Variants in TASP1 observed in about 807,000 individuals in gnomAD.
TASP1 encodes threonine aspartase 1.
In TASP1, 16 loss-of-function variants were observed where a neutral mutation model predicts 56.6. That is an observed-to-expected ratio of 0.28 (90% CI 0.19 to 0.43). The LOEUF is 0.43. Among genes scored for constraint, TASP1 ranks in the 20% least tolerant of loss-of-function variants. The pLI is 1.00. For missense variants in TASP1, 393 were observed against 511.6 expected (o/e 0.77, Z 2.24); for synonymous variants, 179 against 184.2 (o/e 0.97, Z 0.23).
At chr20:13,478,581 G>C (rs1388582980) in intron 11 of TASP1, among the ~76,000 whole-genome samples, 2 of 152,102 alleles carry the variant, frequency 1.3e-5, no homozygotes, top group East Asian at 1.9e-4. Context: ...GGGTGGGAGA[G>C]TCAGGGAATG....
At chr20:13,436,222 A>AG (rs2042995810) in intron 11 of TASP1, among the ~76,000 whole-genome samples, 1 of 152,174 alleles carries the variant, frequency 6.6e-6, no homozygotes, top group Non-Finnish European at 1.5e-5. Context: ...CTCTGAAGGC[A>AG]GGGGTACAGG....
chr20:13,224,029 G>C, the TASP1 span, among the ~76,000 whole-genome samples: 3 of 152,060 alleles, frequency 2.0e-5, no homozygotes, highest in East Asian at 5.8e-4. Context: ...ATTCTCAAAA[G>C]GGGCTTTGGC....
At chr20:13,198,492 A>C in the TASP1 span, among the ~76,000 whole-genome samples, 1 of 152,180 alleles carries the variant, frequency 6.6e-6, no homozygotes, top group Non-Finnish European at 1.5e-5. Flanking sequence ...ATACTATCAC[A>C]TTGAGGGTTA....
the TASP1 span, among the ~76,000 whole-genome samples, chr20:13,234,254 G>C: frequency 1.3e-5 from 2 of 152,166 alleles, no homozygotes; most frequent in African/African-American, 4.8e-5. Flanking sequence ...TTAGCATAAT[G>C]GCCTCCGGTA....
intron 13 of TASP1, among the ~76,000 whole-genome samples, chr20:13,416,886 C>T (rs1390724960): frequency 2.6e-5 from 4 of 152,170 alleles, no homozygotes; most frequent in Admixed American, 2.6e-4. Flanking sequence ...ACTCACTGAG[C>T]GACGAGTGCC....
At chr20:13,273,215 T>TTTTATTTTATTTTATTTTATTTTA in the TASP1 span, among the ~76,000 whole-genome samples, 3 of 130,628 alleles carry the variant, frequency 2.3e-5, no homozygotes, top group African/African-American at 6.3e-5. Context: ...ACTTGGGTCT[T>TTTTATTTTATTTTATTTTATTTTA]TTTTATTTTA....
intron 11 of TASP1, among the ~76,000 whole-genome samples, chr20:13,442,412 G>C (rs1304270523): frequency 6.6e-6 from 1 of 152,064 alleles, no homozygotes; most frequent in South Asian, 2.1e-4. Context: ...AAGGTGGGTG[G>C]ATCACAATGT....
intron 12 of TASP1, among the ~76,000 whole-genome samples, chr20:13,425,856 T>C (rs1417688756): frequency 1.3e-5 from 2 of 152,144 alleles, no homozygotes; most frequent in Non-Finnish European, 1.5e-5. Flanking sequence ...TGTCTTGACA[T>C]GGAATCCTTA....
chr20:13,395,693 C>CTTTTTTTTT (rs71188158), intron 13 of TASP1, among the ~76,000 whole-genome samples: 3 of 136,418 alleles, frequency 2.2e-5, no homozygotes, highest in African/African-American at 8.2e-5. Context: ...CCTCAGCTTT[C>CTTTTTTTTT]TTTTTTTTTT....
At chr20:13,128,531 C>T in the TASP1 span, among the ~76,000 whole-genome samples, 1 of 152,164 alleles carries the variant, frequency 6.6e-6, no homozygotes, top group African/African-American at 2.4e-5. Flanking sequence ...AAGAGAGGGT[C>T]AGCCTAGAGG....
At chr20:13,439,524 G>A (rs1352544982) in intron 11 of TASP1, among the ~76,000 whole-genome samples, 12 of 152,122 alleles carry the variant, frequency 7.9e-5, no homozygotes, top group Non-Finnish European at 1.0e-4. Context: ...GGGGAGTGGG[G>A]AGGGATAGCA....
At chr20:13,356,194 AT>A in the TASP1 span, among the ~76,000 whole-genome samples, 1 of 152,224 alleles carries the variant, frequency 6.6e-6, no homozygotes, top group African/African-American at 2.4e-5. Flanking sequence ...TGCCATTGAG[AT>A]GTTAATGTCT....
intron 13 of TASP1, among the ~76,000 whole-genome samples, chr20:13,404,870 C>T (rs2041860272): frequency 6.6e-6 from 1 of 151,822 alleles, no homozygotes; most frequent in Admixed American, 6.6e-5. Flanking sequence ...AGAAATAATC[C>T]TTTGTTACAC....
chr20:13,314,281 TAATGAGTGGGATAATG>T, the TASP1 span, among the ~76,000 whole-genome samples: 1 of 151,836 alleles, frequency 6.6e-6, no homozygotes, highest in African/African-American at 2.4e-5. Flanking sequence ...GTTCAGAGAA[TAATGAGTGGGATAATG>T]CCAAAAAGAA....
chr20:13,124,370 G>A, the TASP1 span, among the ~76,000 whole-genome samples: 1 of 151,750 alleles, frequency 6.6e-6, no homozygotes, highest in Non-Finnish European at 1.5e-5. Flanking sequence ...AAGAAGGGAG[G>A]GAGGAAGGAA....
chr20:13,493,164 A>G (rs1275191196), intron 10 of TASP1, among the ~76,000 whole-genome samples: 1 of 152,198 alleles, frequency 6.6e-6, no homozygotes, highest in East Asian at 1.9e-4. Context: ...CCAAAAAAAC[A>G]AACAAACAAA....
At chr20:13,359,607 G>T in the TASP1 span, among the ~76,000 whole-genome samples, 8 of 151,230 alleles carry the variant, frequency 5.3e-5, no homozygotes. Context: ...ACTGTTGTGG[G>T]TATTGACGGC....
the TASP1 span, among the ~76,000 whole-genome samples, chr20:13,221,252 CCTCCTCCTCCTT>C: frequency 8.7e-5 from 10 of 115,364 alleles, no homozygotes; most frequent in East Asian, 2.2e-4. Context: ...TCCTCCTCCT[CCTCCTCCTCCTT>C]CTCCTTCTCC....
At chr20:13,363,272 G>T in the TASP1 span, among the ~76,000 whole-genome samples, 1 of 152,150 alleles carries the variant, frequency 6.6e-6, no homozygotes, top group Admixed American at 6.5e-5. Context: ...GGCTGGAAAT[G>T]GACTTAATAA....
Sources: allele counts gnomAD v4.1 joint callset (sites outside exome capture counted in the v4.1 genomes callset), GRCh38; gene constraint gnomAD v4.1.1; transcripts MANE v1.5; gene names NCBI Gene and HGNC (gene_info 2026-07-23, HGNC 2026-07-21).